BSPH1: variants seen among roughly 807,000 people sequenced by gnomAD.
BSPH1 encodes binder of sperm protein homolog 1.
In BSPH1, 21 loss-of-function variants were observed where a neutral mutation model predicts 22.5. The observed-to-expected ratio is 0.93, with a 90% CI of 0.66 to 1.35. BSPH1 has a LOEUF of 1.35. Among genes scored for constraint, BSPH1 ranks in the 40% most tolerant of loss-of-function variants. BSPH1 has a pLI of 0.00. For synonymous variants in BSPH1, 42 were observed against 53.6 expected (o/e 0.78, Z 0.95); for missense variants, 141 against 154.2 (o/e 0.91, Z 0.45).
At chr19:47,979,043 G>GT (rs1049529594) in intron 3 of BSPH1, among the ~76,000 whole-genome samples, 142 of 152,274 alleles carry the variant, frequency 9.3e-4, no homozygotes, top group African/African-American at 3.3e-3. Context: ...TATTAGAGAG[G>GT]TAAGGAAGCA....
At chr19:47,985,480 C>T (rs1443609828) in intron 1 of BSPH1, among the ~76,000 whole-genome samples, 2 of 152,070 alleles carry the variant, frequency 1.3e-5, no homozygotes, top group Non-Finnish European at 2.9e-5. Context: ...TACCAGAAAA[C>T]CTGCCTTGAA....
intron 1 of BSPH1, among the ~76,000 whole-genome samples, chr19:47,982,048 T>C (rs1396274682): frequency 6.6e-6 from 1 of 152,176 alleles, no homozygotes; most frequent in Non-Finnish European, 1.5e-5. Context: ...GTAGAATAAA[T>C]ATAGAGTGAA....
chr19:47,973,683 T>C (rs1969333063), intron 5 of BSPH1, among the ~76,000 whole-genome samples: 1 of 152,184 alleles, frequency 6.6e-6, no homozygotes, highest in Non-Finnish European at 1.5e-5. Context: ...GCCTGGATAT[T>C]ATTGGGTATT....
intron 5 of BSPH1, 143 bp from the exon 6 acceptor site, chr19:47,968,352 C>T (rs932849968): frequency 7.0e-6 from 1 of 142,054 alleles, no homozygotes; most frequent in Non-Finnish European, 1.5e-5. Flanking sequence ...ATCAGTCTCT[C>T]TCTCTTTTTT....
chr19:47,971,990 T>C (rs1436415699), intron 5 of BSPH1, among the ~76,000 whole-genome samples: 2 of 118,754 alleles, frequency 1.7e-5, no homozygotes, highest in East Asian at 4.7e-4. Context: ...CCTATGTTCA[T>C]AGTCTTTGAA....
chr19:47,985,344 A>G (rs1969460804), intron 1 of BSPH1, among the ~76,000 whole-genome samples: 1 of 152,178 alleles, frequency 6.6e-6, no homozygotes, highest in Admixed American at 6.6e-5. Flanking sequence ...AGAATGAAGC[A>G]TTTACAGTGT....
chr19:47,974,799 G>A (rs1471198947), intron 5 of BSPH1, among the ~76,000 whole-genome samples: 2 of 122,376 alleles, frequency 1.6e-5, no homozygotes, highest in Non-Finnish European at 3.5e-5. Flanking sequence ...TGAGCGTGCA[G>A]TAAGCTTCCT....
At chr19:47,974,789 TGAGCGTGC>T (rs796960272) in intron 5 of BSPH1, among the ~76,000 whole-genome samples, 89,826 of 151,246 alleles carry the variant, frequency 0.59, 27,159 homozygotes, top group African/African-American at 0.67. Flanking sequence ...CTACCCAATT[TGAGCGTGC>T]AGTAAGCTTC....
At chr19:47,989,957 A>G (rs924317405) in intron 1 of BSPH1, among the ~76,000 whole-genome samples, 1 of 151,858 alleles carries the variant, frequency 6.6e-6, no homozygotes, top group Non-Finnish European at 1.5e-5. Flanking sequence ...GGTCTCTACT[A>G]AAAATACAAA....
intron 5 of BSPH1, among the ~76,000 whole-genome samples, chr19:47,973,083 G>A (rs966142230): frequency 3.3e-5 from 5 of 151,780 alleles, no homozygotes; most frequent in African/African-American, 1.2e-4. Flanking sequence ...CTGGCGTGGT[G>A]GCGGGCGCCT....
intron 3 of BSPH1, chr19:47,977,833 C>T (rs932353958): frequency 2.3e-5 from 5 of 220,900 alleles, no homozygotes; most frequent in Non-Finnish European, 3.8e-5. Context: ...CCCCCTGCCC[C>T]TGGATCTCTT....
intron 5 of BSPH1, among the ~76,000 whole-genome samples, chr19:47,976,210 G>A (rs2122244050): frequency 6.6e-6 from 1 of 152,026 alleles, no homozygotes; most frequent in East Asian, 1.9e-4. Flanking sequence ...ATGCAACCTT[G>A]AACTCTTGAA....
At chr19:47,977,196 TCATAA>T (rs767561945) in intron 4 of BSPH1, among the ~76,000 whole-genome samples, 172 bp downstream of exon 4, 2 of 152,254 alleles carry the variant, frequency 1.3e-5, no homozygotes, top group Admixed American at 6.5e-5. Flanking sequence ...GTTGAAATGC[TCATAA>T]CATATCTATG....
At chr19:47,967,638 G>A (rs1969271168), downstream of BSPH1, among the ~76,000 whole-genome samples, 1 of 152,146 alleles carries the variant, frequency 6.6e-6, no homozygotes, top group South Asian at 2.1e-4. Flanking sequence ...AAGGACACCA[G>A]TCATATTGGA....
intron 1 of BSPH1, among the ~76,000 whole-genome samples, chr19:47,982,159 A>G (rs1969425609): frequency 1.3e-5 from 2 of 152,228 alleles, no homozygotes; most frequent in Admixed American, 1.3e-4. Context: ...GTAAATTTAC[A>G]AATGTCATGT....
At chr19:47,976,044 A>C (rs565227724) in intron 5 of BSPH1, among the ~76,000 whole-genome samples, 5 of 152,360 alleles carry the variant, frequency 3.3e-5, no homozygotes, top group Non-Finnish European at 1.5e-5. Flanking sequence ...TTCCATGTAC[A>C]CATAGCCACT....
chr19:47,976,671 GA>G, intron 5 of BSPH1, 38 bp downstream of exon 5: 1 of 1,494,954 alleles, frequency 6.7e-7, no homozygotes, highest in Non-Finnish European at 9.0e-7. Context: ...CAAGGAGAAT[GA>G]TTAAACGTCT....
At chr19:47,984,816 C>A (rs1415782109) in intron 1 of BSPH1, among the ~76,000 whole-genome samples, 2 of 152,014 alleles carry the variant, frequency 1.3e-5, no homozygotes, top group Admixed American at 6.6e-5. Context: ...GTGGCTCATG[C>A]CTGTAATCCC....
chr19:47,976,587 A>AC, intron 5 of BSPH1, 123 bp downstream of exon 5: 4 of 657,890 alleles, frequency 6.1e-6, no homozygotes, highest in South Asian at 2.3e-5. Flanking sequence ...TCCCAGAAAA[A>AC]AAAAAAAAAC....
Sources: gnomAD v4.1 joint callset for allele counts (sites outside exome capture counted in the v4.1 genomes callset) on GRCh38, gnomAD v4.1.1 for gene constraint, MANE v1.5 for transcripts, NCBI Gene and HGNC (gene_info 2026-07-23, HGNC 2026-07-21) for gene names.